Variants in ANKRD28 observed in about 807,000 individuals in gnomAD.
ANKRD28 encodes ankyrin repeat domain 28.
In ANKRD28, 44 loss-of-function variants were observed where a neutral mutation model predicts 126.5. That is an observed-to-expected ratio of 0.35 (90% CI 0.27 to 0.45). The LOEUF is 0.45. Among genes scored for constraint, ANKRD28 ranks in the 20% least tolerant of loss-of-function variants. The probability of loss-of-function intolerance (pLI) is 1.00; values close to 1 mark genes in which losing one functional copy is unlikely to be tolerated. For synonymous variants in ANKRD28, 442 were observed against 468.5 expected (o/e 0.94, Z 0.73); for missense variants, 1,110 against 1,316.6 (o/e 0.84, Z 2.43).
intron 8 of ANKRD28, among the ~76,000 whole-genome samples, chr3:15,717,526 A>G (rs1379875680): frequency 1.4e-5 from 2 of 147,676 alleles, no homozygotes; most frequent in Admixed American, 6.8e-5. Flanking sequence ...GAGTATTAAG[A>G]AAAAAAAAAA....
chr3:15,844,027 G>A (rs925851673), intron 1 of ANKRD28, among the ~76,000 whole-genome samples: 3 of 152,132 alleles, frequency 2.0e-5, no homozygotes, highest in Non-Finnish European at 4.4e-5. Flanking sequence ...AAAAGGGGAT[G>A]GGTGTTGTAG....
chr3:15,707,864 T>A, intron 14 of ANKRD28, 60 bp downstream of exon 14: 1 of 1,562,460 alleles, frequency 6.4e-7, no homozygotes, highest in Non-Finnish European at 8.7e-7. Flanking sequence ...AAAACATCCA[T>A]ATGGAAGATG....
intron 4 of ANKRD28, among the ~76,000 whole-genome samples, chr3:15,744,804 T>C (rs2057369183): frequency 6.6e-6 from 1 of 152,216 alleles, no homozygotes; most frequent in East Asian, 1.9e-4. Flanking sequence ...TTTAGTTCTT[T>C]AAGGAATTTC....
chr3:15,791,585 CT>C (rs1403310784), intron 2 of ANKRD28, among the ~76,000 whole-genome samples: 1 of 152,078 alleles, frequency 6.6e-6, no homozygotes, highest in African/African-American at 2.4e-5. Flanking sequence ...AACCAGACCC[CT>C]ATCTCTTGCC....
At chr3:15,725,837 A>T (rs2074115571) in intron 6 of ANKRD28, among the ~76,000 whole-genome samples, 1 of 152,152 alleles carries the variant, frequency 6.6e-6, no homozygotes, top group Admixed American at 6.5e-5. Context: ...TGAGGTCAGA[A>T]GTCGAGACCA....
At chr3:15,777,617 T>C (rs1220080455) in intron 2 of ANKRD28, among the ~76,000 whole-genome samples, 1 of 152,158 alleles carries the variant, frequency 6.6e-6, no homozygotes, top group Non-Finnish European at 1.5e-5. Flanking sequence ...TTTGAACTAG[T>C]CAAGTGTCAG....
chr3:15,677,081 A>C (rs1346502079), intron 25 of ANKRD28, 25 bp from the exon 26 acceptor site: 4 of 1,589,404 alleles, frequency 2.5e-6, no homozygotes, highest in Non-Finnish European at 3.5e-6. Context: ...GATAAGTTAT[A>C]AAAACTTGAG....
chr3:15,859,070 G>T (rs1263760041), intron 1 of ANKRD28, among the ~76,000 whole-genome samples: 6 of 152,124 alleles, frequency 3.9e-5, no homozygotes, highest in Non-Finnish European at 8.8e-5. Flanking sequence ...GCCTCACCTG[G>T]CAGGAAAGAG....
chr3:15,827,266 G>A (rs985816657), intron 1 of ANKRD28, among the ~76,000 whole-genome samples: 3 of 152,024 alleles, frequency 2.0e-5, no homozygotes, highest in Non-Finnish European at 2.9e-5. Flanking sequence ...CCACTACAGG[G>A]TATATAACCA....
rs138320408 is a variant in ANKRD28, at chr3:15,811,998, G to C, written c.28-16692C>G. On this transcript the variant is annotated intron_variant, in intron 1 of 27. Transcript: ENST00000399451. ...CAAAACCCTATCTTTACTAAAAATA[G>C]AAAAATTAGCCAGGCGTGGTGGTAC... 3.8e-3 allele frequency among the ~76,000 whole-genome samples: 573 copies of C among 151,744 alleles called. 4 individuals are homozygous for C. Among genetic ancestry groups the C allele is most frequent in the African/African-American group, 0.013 (551 of 41,448 alleles).
At chr3:15,779,627 A>T (rs1306016747) in intron 2 of ANKRD28, among the ~76,000 whole-genome samples, 2 of 152,190 alleles carry the variant, frequency 1.3e-5, no homozygotes, top group Non-Finnish European at 2.9e-5. Context: ...GTTTTGCCTC[A>T]TCTGTAACGG....
chr3:15,678,350 G>T lies in ANKRD28; in HGVS notation c.2566C>A (p.Pro856Thr), dbSNP rs761818731. The T allele has an allele frequency of 1.1e-5, 18 of 1,589,958 alleles. No individual in the cohort carries two copies. Among genetic ancestry groups the T allele is most frequent in the Non-Finnish European group, 1.4e-5 (17 of 1,172,442 alleles). The stretch of plus-strand genomic sequence containing the variant: ...TCTGTGAAGGCGGCTGCATGGAGAG[G>T]AGTTCTGTGATAAAGAAAAATTGAA... ...VNATDSKGRT[P>T]LHAAAFTDHV... The change falls in exon 24 of 28, where the codon CCT (proline) becomes ACT (threonine). Residue 856 changes from proline (P) to threonine (T), a missense_variant. By Grantham distance (38) the Pro-to-Thr change is conservative. Coordinates refer to ENST00000683139, the MANE Select transcript of ANKRD28 (RefSeq NM_001349278.2).
chr3:15,680,610 ATTC>A (rs2067436518), intron 21 of ANKRD28, among the ~76,000 whole-genome samples: 1 of 152,180 alleles, frequency 6.6e-6, no homozygotes, highest in African/African-American at 2.4e-5. Context: ...GTTTAAAAAA[ATTC>A]TTCATGATAT....
intron 1 of ANKRD28, among the ~76,000 whole-genome samples, chr3:15,825,674 C>G (rs564109548): frequency 1.3e-5 from 2 of 151,852 alleles, no homozygotes; most frequent in South Asian, 4.1e-4. Context: ...ATGAGTGACC[C>G]CTAAAACAAA....
chr3:15,854,682 T>C lies in ANKRD28; in HGVS notation c.27+4695A>G, dbSNP rs182434873. On this transcript the variant is annotated intron_variant, in intron 1 of 27. Coordinates refer to the ANKRD28 transcript ENST00000399451. This position sits in a 1 kb window ranked among gnomAD's most constrained non-coding sequence, Gnocchi z 4.1. The stretch of plus-strand genomic sequence containing the variant: ...ACCCTACATCTATGTGTTTTTTTTT[T>C]CCCCTCTTCTAAGATCTGTAAGGGT... Among the ~76,000 whole-genome samples, 158 of 152,018 alleles carry C rather than the reference T, an allele frequency of 1.0e-3. No homozygotes were observed. The East Asian group carries it at 0.028, about 27-fold the overall frequency.
rs540551045 is a variant in ANKRD28 at position 15,688,413 on chromosome 3, C to T, written c.1963+1606G>A. ...AGGTGGGAATACAGGCATGCGCCACCAAGTTTGGCTTTGCAAAGTGATATA... is the reference window on the plus strand; with the variant it reads ...AGGTGGGAATACAGGCATGCGCCACTAAGTTTGGCTTTGCAAAGTGATATA... On this transcript the variant is annotated intron_variant, in intron 18 of 27. Coordinates refer to ENST00000683139, the MANE Select transcript of ANKRD28 (RefSeq NM_001349278.2). Among the ~76,000 whole-genome samples the T allele has an allele frequency of 2.0e-5, 3 of 152,270 alleles. No individual in the cohort carries two copies. The South Asian group carries it at 6.2e-4, about 32-fold the overall frequency.
chr3:15,798,215 C>CTTAACTGCT (rs1378917959), upstream of ANKRD28: 2 of 966,586 alleles, frequency 2.1e-6, no homozygotes, highest in Non-Finnish European at 1.2e-6. Flanking sequence ...TTCCAAACGG[C>CTTAACTGCT]TTAACTGCTT....
intron 1 of ANKRD28, among the ~76,000 whole-genome samples, chr3:15,832,492 G>A (rs962537764): frequency 6.6e-6 from 1 of 152,044 alleles, no homozygotes; most frequent in African/African-American, 2.4e-5. Flanking sequence ...ATAAATTTAG[G>A]GGATACACTG....
At chr3:15,787,279 T>C (rs2059822970) in intron 2 of ANKRD28, among the ~76,000 whole-genome samples, 1 of 152,184 alleles carries the variant, frequency 6.6e-6, no homozygotes, top group Non-Finnish European at 1.5e-5. Context: ...CAGTGGATAA[T>C]ACCTTCTTTG....
Sources: allele counts gnomAD v4.1 joint callset (sites outside exome capture counted in the v4.1 genomes callset), GRCh38; gene constraint gnomAD v4.1.1; non-coding constraint Gnocchi (gnomAD v3.1); transcripts MANE v1.5; gene names NCBI Gene and HGNC (gene_info 2026-07-23, HGNC 2026-07-21).